Variants in RGS8 observed in about 807,000 individuals in gnomAD.
The protein encoded by RGS8 is regulator of G protein signaling 8, also known as regulator of G-protein signaling 8.
RGS8 carries 8 observed loss-of-function variants against 21.7 expected under a neutral mutation model. The observed-to-expected ratio is 0.37, with a 90% CI of 0.22 to 0.66. The LOEUF (loss-of-function observed/expected upper bound fraction) is 0.66, where lower values mean the gene tolerates loss of function less well. Ranked by LOEUF, RGS8 falls within the 30% of genes least tolerant of loss-of-function variation. The pLI, the probability that RGS8 is intolerant of heterozygous loss-of-function variation, is 0.59. For synonymous variants in RGS8, 80 were observed against 83.6 expected (o/e 0.96, Z 0.24); for missense variants, 157 against 217.9 (o/e 0.72, Z 1.76).
At chr1:182,656,982 A>G (rs887923448) in intron 5 of RGS8, among the ~76,000 whole-genome samples, 2 of 152,168 alleles carry the variant, frequency 1.3e-5, no homozygotes, top group African/African-American at 4.8e-5. Context: ...CTTTAGTCTG[A>G]ATAATGGAAG....
At chr1:182,689,249 G>GCACGCACACACACAGACACA (rs1557906830), upstream of RGS8, among the ~76,000 whole-genome samples, 34 of 143,448 alleles carry the variant, frequency 2.4e-4, no homozygotes, top group African/African-American at 9.4e-4. Context: ...TCGTGCACGC[G>GCACGCACACACACAGACACA]CACGCACACA....
At chr1:182,680,613 A>G (rs1664505488) in intron 1 of RGS8, among the ~76,000 whole-genome samples, 1 of 123,442 alleles carries the variant, frequency 8.1e-6, no homozygotes, top group African/African-American at 3.8e-5. Context: ...TCAAGGGCAG[A>G]AAGCATGGGT....
At chr1:182,669,521 T>A in intron 3 of RGS8, 103 bp downstream of exon 4, 1 of 1,551,156 alleles carries the variant, frequency 6.4e-7, no homozygotes, top group Non-Finnish European at 8.9e-7. Context: ...AGACCACGCA[T>A]GGGCTCAGAA....
At chr1:182,703,886 A>G in the RGS8 span, among the ~76,000 whole-genome samples, 3 of 152,242 alleles carry the variant, frequency 2.0e-5, no homozygotes, top group Non-Finnish European at 4.4e-5. Flanking sequence ...CACAAATTTT[A>G]TTATTCGTTT....
chr1:182,701,777 T>C, the RGS8 span, among the ~76,000 whole-genome samples: 194 of 152,282 alleles, frequency 1.3e-3, no homozygotes, highest in African/African-American at 4.3e-3. Flanking sequence ...CCCTTGGATC[T>C]CCCCTTCTTC....
chr1:182,743,781 A>G, the RGS8 span, among the ~76,000 whole-genome samples: 2 of 148,486 alleles, frequency 1.3e-5, no homozygotes, highest in South Asian at 2.1e-4. Flanking sequence ...AATAGAAAAC[A>G]TGTGTATACA....
At chr1:182,694,361 C>T in the RGS8 span, among the ~76,000 whole-genome samples, 1 of 152,288 alleles carries the variant, frequency 6.6e-6, no homozygotes, top group South Asian at 2.1e-4. Context: ...GAGAAGGAGC[C>T]ATCCTTGTTT....
intron 5 of RGS8, among the ~76,000 whole-genome samples, chr1:182,661,080 T>C (rs916904439): frequency 4.6e-5 from 7 of 151,596 alleles, no homozygotes; most frequent in Non-Finnish European, 7.4e-5. Flanking sequence ...TTTTAATGTT[T>C]GTTTATTTGA....
At chr1:182,643,552 C>T (rs1333594502), downstream of RGS8, 1 of 151,968 alleles carries the variant, frequency 6.6e-6, no homozygotes, top group Admixed American at 6.5e-5. Context: ...TCTAAGAGTC[C>T]AAGTCCACAG....
At chr1:182,672,218 G>T, upstream of RGS8, 1 of 174,976 alleles carries the variant, frequency 5.7e-6, no homozygotes, top group Non-Finnish European at 1.2e-5. Context: ...CTGGCTGAAG[G>T]TTGGCTGCTG....
chr1:182,653,617 C>T (rs969924525), intron 5 of RGS8, among the ~76,000 whole-genome samples: 2 of 152,092 alleles, frequency 1.3e-5, no homozygotes, highest in African/African-American at 4.8e-5. Context: ...TTGCTTGAAT[C>T]TGGGAGGTGG....
At chr1:182,646,938 C>A in intron 6 of RGS8, 21 bp from the exon 8 acceptor site, 1 of 1,606,656 alleles carries the variant, frequency 6.2e-7, no homozygotes, top group South Asian at 1.1e-5. Context: ...AAACAGAGAG[C>A]AAGGTCACAG....
At chr1:182,715,579 A>G in the RGS8 span, among the ~76,000 whole-genome samples, 2 of 152,334 alleles carry the variant, frequency 1.3e-5, no homozygotes, top group East Asian at 1.9e-4. Context: ...GTGGGGCTCT[A>G]TCCCCAGAGT....
chr1:182,732,271 A>T, the RGS8 span, among the ~76,000 whole-genome samples: 42 of 90,326 alleles, frequency 4.6e-4, no homozygotes, highest in African/African-American at 1.7e-3. Flanking sequence ...TCTCTCTCTC[A>T]TACACACACA....
In RGS8 at chr1:182,648,339, G is replaced by A. The variant is rs777751939; in HGVS notation, c.194-36C>T. ...GGGAGGAAGAAAAGAAGAGAGATAG[G>A]AAGCAGCTTAAGTTTAAGAACTGTA... On this transcript the variant is annotated intron_variant, in intron 5 of 6. Transcript: ENST00000483095. 3.1e-6 allele frequency: 5 copies of A among 1,602,720 alleles called. No individual in the cohort carries two copies. The South Asian group carries it at 5.6e-5, about 18-fold the overall frequency.
the RGS8 span, among the ~76,000 whole-genome samples, chr1:182,697,789 C>T: frequency 6.6e-6 from 1 of 152,078 alleles, no homozygotes; most frequent in African/African-American, 2.4e-5. Context: ...AGCCAATCCT[C>T]CTGAAAAAAT....
downstream of RGS8, chr1:182,642,855 T>A (rs976219366): frequency 2.0e-5 from 3 of 152,196 alleles, no homozygotes; most frequent in African/African-American, 4.8e-5. Context: ...CCCCAGGACG[T>A]GACACTCTCC....
chr1:182,724,599 C>T, the RGS8 span, among the ~76,000 whole-genome samples: 1 of 151,876 alleles, frequency 6.6e-6, no homozygotes, highest in African/African-American at 2.4e-5. Context: ...GCTCTGTCAC[C>T]CAGGCTGGAG....
At chr1:182,739,421 G>A in the RGS8 span, among the ~76,000 whole-genome samples, 1 of 152,158 alleles carries the variant, frequency 6.6e-6, no homozygotes, top group African/African-American at 2.4e-5. Flanking sequence ...GTACTGACGT[G>A]GGGGAACTGA....
Sources: gnomAD v4.1 joint callset for allele counts (sites outside exome capture counted in the v4.1 genomes callset) on GRCh38, gnomAD v4.1.1 for gene constraint, MANE v1.5 for transcripts, NCBI Gene and HGNC (gene_info 2026-07-23, HGNC 2026-07-21) for gene names.